Variants in RUFY3 observed in about 807,000 individuals in gnomAD.
RUFY3 encodes RUN and FYVE domain containing 3, also known as protein RUFY3.
In RUFY3, 34 loss-of-function variants were observed where a neutral mutation model predicts 84.0. The ratio of observed to expected loss-of-function variants is 0.40; its 90% CI spans 0.31 to 0.54. The LOEUF (loss-of-function observed/expected upper bound fraction) is 0.54, where lower values mean the gene tolerates loss of function less well. Ranked by LOEUF, RUFY3 falls within the 20% of genes least tolerant of loss-of-function variation. The probability of loss-of-function intolerance (pLI) is 0.39; values close to 1 mark genes in which losing one functional copy is unlikely to be tolerated. For synonymous variants in RUFY3, 242 were observed against 252.9 expected (o/e 0.96, Z 0.41); for missense variants, 507 against 736.8 (o/e 0.69, Z 3.61).
intron 8 of RUFY3, among the ~76,000 whole-genome samples, chr4:70,782,663 A>G (rs1182862069): frequency 1.3e-5 from 2 of 152,122 alleles, no homozygotes; most frequent in African/African-American, 2.4e-5. Flanking sequence ...CTATAATCCC[A>G]GCACTTTGGG....
chr4:70,793,423 A>T (rs1252786434), intron 12 of RUFY3: 11 of 1,050,040 alleles, frequency 1.0e-5, no homozygotes, highest in African/African-American at 5.2e-5. Flanking sequence ...AAATTTTTTT[A>T]AAAAGTGGAT....
At chr4:70,716,466 A>T (rs1207982464) in intron 1 of RUFY3, among the ~76,000 whole-genome samples, 1 of 152,108 alleles carries the variant, frequency 6.6e-6, no homozygotes, top group African/African-American at 2.4e-5. Context: ...TTTTTTGTAC[A>T]TGCATTGGAA....
chr4:70,800,381 C>CA lies in RUFY3; in HGVS notation c.1622+179dup, dbSNP rs537686284. On this transcript the variant is annotated intron_variant, in intron 15 of 17. Transcript: ENST00000381006. ...ATAAAACGTATAACATGTATTAAAC[C>CA]AAACCCATTAGGCCATTTCAGAGGA... is the stretch of plus-strand genomic sequence containing the variant. Among the ~76,000 whole-genome samples, 36 of 151,546 alleles carry CA rather than the reference C, an allele frequency of 2.4e-4. 1 individual carries two copies. In the South Asian group the frequency reaches 5.6e-3, roughly 24 times the overall value.
At chr4:70,736,897 A>G (rs1720403028) in intron 1 of RUFY3, among the ~76,000 whole-genome samples, 1 of 152,104 alleles carries the variant, frequency 6.6e-6, no homozygotes, top group Non-Finnish European at 1.5e-5. Context: ...TTCTTTGACT[A>G]TTTCTTTATT....
At chr4:70,712,678 G>A (rs1376477805) in intron 1 of RUFY3, among the ~76,000 whole-genome samples, 1 of 152,182 alleles carries the variant, frequency 6.6e-6, no homozygotes, top group East Asian at 1.9e-4. Context: ...GTATGATGAT[G>A]GAAGTGTAGC....
At chr4:70,745,344 G>T (rs1405172941) in intron 1 of RUFY3, among the ~76,000 whole-genome samples, 1 of 152,166 alleles carries the variant, frequency 6.6e-6, no homozygotes, top group African/African-American at 2.4e-5. Flanking sequence ...ATTGTATGAT[G>T]TACAACACCT....
intron 1 of RUFY3, among the ~76,000 whole-genome samples, chr4:70,732,898 TAAA>T (rs1056822607): frequency 6.6e-6 from 1 of 151,650 alleles, no homozygotes; most frequent in African/African-American, 2.4e-5. Context: ...CTCCGGAACT[TAAA>T]GTATTAAAAA....
intron 1 of RUFY3, among the ~76,000 whole-genome samples, chr4:70,726,486 C>G (rs1481791582): frequency 6.6e-6 from 1 of 152,216 alleles, no homozygotes; most frequent in Admixed American, 6.5e-5. Flanking sequence ...AACTCAGACT[C>G]TCCAGACTCC....
chr4:70,798,333 C>A (rs375404096), intron 14 of RUFY3, among the ~76,000 whole-genome samples: 2 of 152,060 alleles, frequency 1.3e-5, no homozygotes, highest in Non-Finnish European at 2.9e-5. Flanking sequence ...CATGCCACTG[C>A]ACTCCAGCCT....
At chr4:70,773,974 T>C (rs777215668) in intron 6 of RUFY3, among the ~76,000 whole-genome samples, 16 of 152,224 alleles carry the variant, frequency 1.1e-4, no homozygotes, top group Non-Finnish European at 2.2e-4. Context: ...GGGAAACTGA[T>C]TGAAGGTACA....
chr4:70,741,233 C>T (rs768653389), intron 1 of RUFY3, among the ~76,000 whole-genome samples: 30 of 151,420 alleles, frequency 2.0e-4, no homozygotes, highest in Non-Finnish European at 3.8e-4. Flanking sequence ...AGAAATATAT[C>T]GCACATACTT....
intron 1 of RUFY3, 48 bp from the exon 2 acceptor site, chr4:70,762,471 G>A: frequency 2.0e-6 from 3 of 1,513,686 alleles, no homozygotes; most frequent in Middle Eastern, 1.8e-4. Flanking sequence ...ATTTTAAAAT[G>A]TGCTATTTCT....
chr4:70,792,448 G>A (rs1457191784), intron 12 of RUFY3: 2 of 984,926 alleles, frequency 2.0e-6, no homozygotes, highest in Non-Finnish European at 2.4e-6. Context: ...CTGTTTCTAA[G>A]TGACCACAGA....
At chr4:70,771,984 C>T (rs1727042229) in intron 5 of RUFY3, among the ~76,000 whole-genome samples, 1 of 151,728 alleles carries the variant, frequency 6.6e-6, no homozygotes, top group African/African-American at 2.4e-5. Flanking sequence ...GGTCTTCACA[C>T]TAACCAGATT....
intron 1 of RUFY3, among the ~76,000 whole-genome samples, chr4:70,750,885 C>T (rs1416216526): frequency 1.3e-5 from 2 of 152,036 alleles, no homozygotes; most frequent in Non-Finnish European, 1.5e-5. Flanking sequence ...TATATGTTTT[C>T]AAGGGTTATC....
intron 1 of RUFY3, among the ~76,000 whole-genome samples, chr4:70,705,860 C>T (rs908460190): frequency 6.6e-6 from 1 of 152,196 alleles, no homozygotes; most frequent in Admixed American, 6.5e-5. Flanking sequence ...CCTTCCATGC[C>T]GGTAAATATG....
At position 70,808,283 on chromosome 4, in the gene RUFY3, A is replaced by T. The variant is rs1301772450; in HGVS notation, c.*1624A>T. 6.6e-6 allele frequency among the ~76,000 whole-genome samples: 1 copy of T among 152,076 alleles called. No individual in the cohort carries two copies. The highest frequency in any genetic ancestry group is 1.5e-5 in the Non-Finnish European group (1 of 68,036). On this transcript the variant is annotated 3_prime_UTR_variant, in exon 18 of 18. Coordinates refer to ENST00000381006, the MANE Select transcript of RUFY3 (RefSeq NM_001037442.4). The stretch of plus-strand genomic sequence containing the variant: ...TGGAGGGCTGACTGTACTTACTTAC[A>T]TATCTATCTATCTTTGAGTAACAAA...
At position 70,768,559 on chromosome 4, in the gene RUFY3, C is replaced by G. The variant is rs145431698; in HGVS notation, c.594C>G (p.Ala198=). ...ACAGTGAATTCTACGAACCCAATGCCCTCATGATGGAAGAAGAAGGAGCCA... is the reference window on the plus strand; with the variant it reads ...ACAGTGAATTCTACGAACCCAATGCGCTCATGATGGAAGAAGAAGGAGCCA... ...ELLSEFYEPN[A]LMMEEEGAII... Residue 198 remains alanine, a synonymous_variant, in exon 5 of 18, where the codon GCC becomes GCG. Coordinates refer to ENST00000381006, the MANE Select transcript of RUFY3 (RefSeq NM_001037442.4). The G allele has an allele frequency of 5.0e-6, 8 of 1,613,670 alleles. No individual in the cohort carries two copies. The highest frequency in any genetic ancestry group is 6.8e-6 in the Non-Finnish European group (8 of 1,179,912).
chr4:70,790,013 C>T (rs1324273729), intron 12 of RUFY3: 2 of 420,946 alleles, frequency 4.8e-6, no homozygotes, highest in Non-Finnish European at 3.2e-6. Flanking sequence ...AGATAGGTGT[C>T]CTCCAAGGAT....
Sources: gnomAD v4.1 joint callset for allele counts (sites outside exome capture counted in the v4.1 genomes callset) on GRCh38, gnomAD v4.1.1 for gene constraint, MANE v1.5 for transcripts, NCBI Gene and HGNC (gene_info 2026-07-23, HGNC 2026-07-21) for gene names.